The following ROBO1 variants were observed in gnomAD, a reference collection of about 807,000 sequenced individuals.
ROBO1 encodes the protein roundabout guidance receptor 1, also known as roundabout homolog 1.
In ROBO1, 149 loss-of-function variants were observed where a neutral mutation model predicts 195.9. The observed-to-expected ratio is 0.76, with a 90% CI of 0.67 to 0.87. The LOEUF is 0.87. ROBO1 is among the 40% of genes least tolerant of loss of function. The pLI, the probability that ROBO1 is intolerant of heterozygous loss-of-function variation, is 0.00. For missense variants in ROBO1, 1,933 were observed against 2,068.3 expected, an observed-to-expected ratio of 0.93 and a Z score of 1.27; for synonymous variants, 816 against 733.2, an observed-to-expected ratio of 1.11 and a Z score of -1.82.
intron 5 of ROBO1, among the ~76,000 whole-genome samples, chr3:78,738,650 C>G (rs904216199): frequency 1.3e-5 from 2 of 152,048 alleles, no homozygotes; most frequent in Non-Finnish European, 2.9e-5. Context: ...TGAGAGATTT[C>G]CTGGGAATAG....
At chr3:79,570,160 T>C (rs751728142) in intron 2 of ROBO1, among the ~76,000 whole-genome samples, 1 of 152,046 alleles carries the variant, frequency 6.6e-6, no homozygotes, top group Non-Finnish European at 1.5e-5. Flanking sequence ...ACTGCATTAC[T>C]AGACTTAGTA....
intron 1 of ROBO1, among the ~76,000 whole-genome samples, chr3:79,702,818 T>C (rs1947657237): frequency 6.6e-6 from 1 of 151,984 alleles, no homozygotes. Context: ...CCATTCCCCA[T>C]GTTTTAAAAC....
At chr3:78,691,498 G>C (rs2081173967) in intron 8 of ROBO1, among the ~76,000 whole-genome samples, 1 of 151,994 alleles carries the variant, frequency 6.6e-6, no homozygotes, top group Admixed American at 6.6e-5. Flanking sequence ...TTTAATTACT[G>C]AACCAATCTC....
chr3:78,833,192 A>G (rs1447500263), intron 4 of ROBO1, among the ~76,000 whole-genome samples: 1 of 152,144 alleles, frequency 6.6e-6, no homozygotes, highest in Non-Finnish European at 1.5e-5. Flanking sequence ...ATAAGGGCTC[A>G]ATGCACGGCA....
At chr3:78,696,508 C>T (rs2081293061) in intron 8 of ROBO1, among the ~76,000 whole-genome samples, 1 of 151,928 alleles carries the variant, frequency 6.6e-6, no homozygotes, top group South Asian at 2.1e-4. Context: ...TACAAATTTT[C>T]CTGCTGGCTA....
chr3:78,648,886 G>A (rs536872114), intron 19 of ROBO1, among the ~76,000 whole-genome samples: 23 of 152,008 alleles, frequency 1.5e-4, no homozygotes, highest in African/African-American at 5.5e-4. Flanking sequence ...AAACCGAAAC[G>A]CTATAGCGTC....
At chr3:79,113,197 A>C (rs1171667845) in intron 3 of ROBO1, among the ~76,000 whole-genome samples, 21 of 152,200 alleles carry the variant, frequency 1.4e-4, no homozygotes, top group Admixed American at 1.4e-3. Flanking sequence ...AACACAGGCT[A>C]GTTGATATTG....
At chr3:79,264,353 C>A (rs2082996074) in intron 2 of ROBO1, among the ~76,000 whole-genome samples, 2 of 151,760 alleles carry the variant, frequency 1.3e-5, no homozygotes, top group Non-Finnish European at 2.9e-5. Flanking sequence ...ATGTATGTAT[C>A]TTTTTTCAAG....
chr3:78,648,321 G>T (rs762396293), intron 19 of ROBO1, among the ~76,000 whole-genome samples: 1 of 152,030 alleles, frequency 6.6e-6, no homozygotes, highest in Non-Finnish European at 1.5e-5. Flanking sequence ...AAAAACTTGT[G>T]AATGGACAGA....
At chr3:78,995,945 G>T (rs2077355149) in intron 3 of ROBO1, among the ~76,000 whole-genome samples, 1 of 151,988 alleles carries the variant, frequency 6.6e-6, no homozygotes, top group African/African-American at 2.4e-5. Flanking sequence ...AAGGGTACTG[G>T]CAAACCAGAG....
intron 2 of ROBO1, among the ~76,000 whole-genome samples, chr3:79,527,018 C>T (rs1017542968): frequency 3.9e-5 from 6 of 152,126 alleles, no homozygotes; most frequent in East Asian, 3.9e-4. Flanking sequence ...GAGGCTTCCA[C>T]GCAAAACTTA....
At chr3:79,335,996 T>C (rs1411105683) in intron 2 of ROBO1, among the ~76,000 whole-genome samples, 1 of 152,140 alleles carries the variant, frequency 6.6e-6, no homozygotes, top group East Asian at 1.9e-4. Flanking sequence ...CTGGTGACAT[T>C]TTTCCCCTGC....
intron 2 of ROBO1, among the ~76,000 whole-genome samples, chr3:79,551,417 ATTTAC>A (rs1559985659): frequency 6.6e-6 from 1 of 151,906 alleles, no homozygotes; most frequent in African/African-American, 2.4e-5. Context: ...TAAAATATAT[ATTTAC>A]TTTACAGTTA....
At chr3:79,469,290 G>A (rs1330893882) in intron 2 of ROBO1, among the ~76,000 whole-genome samples, 1 of 152,072 alleles carries the variant, frequency 6.6e-6, no homozygotes, top group African/African-American at 2.4e-5. Context: ...GGTTAATCTG[G>A]AAGCAATACA....
At chr3:78,711,406 T>C (rs376067916) in intron 8 of ROBO1, among the ~76,000 whole-genome samples, 4,758 of 60,994 alleles carry the variant, frequency 0.078, 104 homozygotes, top group African/African-American at 0.14. Context: ...TTCCTTTCTT[T>C]CTTTCTTTCT....
At chr3:79,054,442 T>C (rs1478928787) in intron 3 of ROBO1, among the ~76,000 whole-genome samples, 1 of 152,092 alleles carries the variant, frequency 6.6e-6, no homozygotes, top group Non-Finnish European at 1.5e-5. Context: ...GAGTGTAAAA[T>C]GGCCATGCAT....
rs187710992 is a variant in ROBO1 at position 79,354,337 on chromosome 3, A to G, written c.89-228798T>C. Among the ~76,000 whole-genome samples the G allele has an allele frequency of 7.9e-5, 12 of 152,332 alleles. 1 individual carries two copies. The highest frequency in any genetic ancestry group is 1.7e-4 in the African/African-American group (7 of 41,566). On this transcript the variant is annotated intron_variant, in intron 2 of 30. Coordinates refer to ENST00000464233, the MANE Select transcript of ROBO1 (RefSeq NM_002941.4). ...CCTATACTTGGCACTTGATTTCATC[A>G]GAATGCCTTTGCTTCCATCATCTTA...
intron 3 of ROBO1, among the ~76,000 whole-genome samples, chr3:79,121,602 G>A (rs1487031596): frequency 2.0e-5 from 3 of 151,894 alleles, no homozygotes; most frequent in Non-Finnish European, 2.9e-5. Flanking sequence ...AATTGACAGT[G>A]ACAAAACTCT....
rs774597124 is a variant in ROBO1 at position 78,617,816 on chromosome 3, C to T, written c.4101G>A (p.Thr1367=). 8 of 1,613,810 alleles carry T rather than the reference C, an allele frequency of 5.0e-6. No homozygotes were observed. The highest frequency in any genetic ancestry group is 1.7e-5 in the Admixed American group (1 of 60,004). The change falls in exon 27 of 31, where the codon ACG becomes ACA. Residue 1367 remains threonine (T), a synonymous_variant. Transcript: ENST00000464233. ...AGCCCCAGCCGTTGATCATGGACCC[C>T]GTGACAGAGCTCTCCAGGTCCCCAA... The part of the protein sequence containing the change: ...SSVGDLESSV[T]GSMINGWGSA...
Sources: gnomAD v4.1 joint callset for allele counts (sites outside exome capture counted in the v4.1 genomes callset) on GRCh38, gnomAD v4.1.1 for gene constraint, MANE v1.5 for transcripts, NCBI Gene and HGNC (gene_info 2026-07-23, HGNC 2026-07-21) for gene names.